SCD5: variants seen among roughly 807,000 people sequenced by gnomAD.
The protein encoded by SCD5 is acyl-CoA-desaturase 4.
Under a neutral mutation model 30.4 loss-of-function variants are expected in SCD5, and 20 were observed. The ratio of observed to expected loss-of-function variants is 0.66; its 90% CI spans 0.46 to 0.96. SCD5 has a LOEUF of 0.96. Ranked by LOEUF, SCD5 falls within the 40% of genes least tolerant of loss-of-function variation. The probability of loss-of-function intolerance (pLI) is 0.00; values close to 1 mark genes in which losing one functional copy is unlikely to be tolerated. For synonymous variants in SCD5, 173 were observed against 176.4 expected (o/e 0.98, Z 0.16); for missense variants, 381 against 443.3 (o/e 0.86, Z 1.26).
chr4:82,680,721 G>T lies in SCD5; in HGVS notation c.555C>A (p.Val185=), dbSNP rs762190230. The change falls in exon 3 of 5, where the codon GTC becomes GTA. Residue 185 remains valine (V), a synonymous_variant. Transcript: ENST00000319540. The part of the protein sequence containing the change: ...DVTDLLADPV[V]RIQRKYYKIS... ...CATTCACTTACTTTCTCTGGATCCG[G>T]ACCACAGGATCAGCAAGCAGGTCAG... 8 of 1,613,996 alleles carry T rather than the reference G, an allele frequency of 5.0e-6. No homozygotes were observed. In the South Asian group the frequency reaches 8.8e-5, roughly 18 times the overall value.
chr4:82,660,203 A>G (rs1220859447), intron 3 of SCD5: 3 of 152,930 alleles, frequency 2.0e-5, no homozygotes, highest in African/African-American at 7.2e-5. Context: ...GGAGACTTAG[A>G]CTCCCATATA....
intron 1 of SCD5, among the ~76,000 whole-genome samples, chr4:82,780,367 A>G (rs761154803): frequency 3.3e-5 from 5 of 152,090 alleles, no homozygotes; most frequent in Non-Finnish European, 7.3e-5. Context: ...GCCTAGGTCC[A>G]TCTCCCCTTC....
chr4:82,703,555 G>C (rs1719903996), intron 2 of SCD5, among the ~76,000 whole-genome samples: 1 of 152,096 alleles, frequency 6.6e-6, no homozygotes, highest in South Asian at 2.1e-4. Flanking sequence ...TCTAGGACCT[G>C]GGTACTTCCA....
chr4:82,653,129 C>T lies in SCD5; in HGVS notation c.570-16306G>A, dbSNP rs542527386. Among the ~76,000 whole-genome samples, 5 of 152,226 alleles carry T rather than the reference C, an allele frequency of 3.3e-5. No individual in the cohort carries two copies. In the East Asian group the frequency reaches 5.8e-4, roughly 18 times the overall value. ...TGCTCATGCCACTGCACTCCAGCCT[C>T]GGCAACAAAGTGAAACCCTGTTTCC... On this transcript the variant is annotated intron_variant, in intron 3 of 4. Coordinates refer to ENST00000319540, the MANE Select transcript of SCD5 (RefSeq NM_001037582.3).
chr4:82,685,511 G>A (rs574279935), intron 2 of SCD5, among the ~76,000 whole-genome samples: 215 of 152,072 alleles, frequency 1.4e-3, no homozygotes, highest in Non-Finnish European at 2.2e-3. Context: ...ACGGGAGTTC[G>A]AGACCAGCCT....
intron 2 of SCD5, among the ~76,000 whole-genome samples, chr4:82,688,208 A>C (rs78019826): frequency 0.052 from 7,971 of 152,306 alleles, 257 homozygotes; most frequent in South Asian, 0.15. Flanking sequence ...GTGAAAAAGA[A>C]ACCAGGACCA....
At position 82,631,629 on chromosome 4, in the gene SCD5, T is replaced by C. The variant is rs894587021; in HGVS notation, c.803-112A>G. Reference sequence around the variant, plus strand: ...ATGTGCAGGACATGGTGTCAGCCTCTGTGAGGAGCAAAAGACTTGGTTACT... The same window carrying C: ...ATGTGCAGGACATGGTGTCAGCCTCCGTGAGGAGCAAAAGACTTGGTTACT... On this transcript the variant is annotated intron_variant, in intron 4 of 4. Transcript: ENST00000319540. 3.5e-6 allele frequency: 4 copies of C among 1,127,054 alleles called. No individual in the cohort carries two copies. In the Admixed American group the frequency reaches 9.7e-5, roughly 27 times the overall value. The allele number at this position is 1,127,054 out of a possible 1,614,324, so 69.8% of individuals were successfully genotyped here. A position where few individuals can be genotyped will look rare whatever the true frequency, so the allele number is the denominator to read the frequency against.
chr4:82,763,312 G>T (rs905345535), intron 1 of SCD5, among the ~76,000 whole-genome samples: 1 of 152,148 alleles, frequency 6.6e-6, no homozygotes, highest in African/African-American at 2.4e-5. Context: ...AGGAGTTCGA[G>T]ACCAGCCTGG....
At chr4:82,736,221 G>A (rs1043179200) in intron 1 of SCD5, among the ~76,000 whole-genome samples, 1 of 152,086 alleles carries the variant, frequency 6.6e-6, no homozygotes, top group African/African-American at 2.4e-5. Flanking sequence ...CCAGGAGGCA[G>A]GAGTTGCAGT....
rs1471702163 is a variant in SCD5 at position 82,636,619 on chromosome 4, C to T, written c.774G>A (p.Gln258=). Residue 258 remains glutamine, a synonymous_variant, in exon 4 of 5, where the codon CAG becomes CAA. Transcript: ENST00000319540. ...RPYDKHISPR[Q]NPLVALGAIG... Reference sequence around the variant, plus strand: ...TGGCACCCAGAGCGACGAGTGGGTTCTGCCGAGGGCTGATGTGCTTGTCAT... The same window carrying T: ...TGGCACCCAGAGCGACGAGTGGGTTTTGCCGAGGGCTGATGTGCTTGTCAT... 21 of 1,614,154 alleles carry T rather than the reference C, an allele frequency of 1.3e-5. No individual in the cohort carries two copies. The highest frequency in any genetic ancestry group is 1.8e-5 in the Non-Finnish European group (21 of 1,180,000).
intron 1 of SCD5, among the ~76,000 whole-genome samples, chr4:82,762,782 GA>G (rs564293983): frequency 1.3e-3 from 197 of 152,072 alleles, no homozygotes; most frequent in African/African-American, 4.5e-3. Context: ...AATTCAAAAG[GA>G]AAAAAATATA....
At chr4:82,786,021 A>AT (rs963407217) in intron 1 of SCD5, among the ~76,000 whole-genome samples, 6 of 152,196 alleles carry the variant, frequency 3.9e-5, no homozygotes, top group African/African-American at 1.2e-4. Flanking sequence ...TTAGAAATTC[A>AT]TTTTTTTAAG....
chr4:82,666,197 C>T (rs1406048435), intron 3 of SCD5, among the ~76,000 whole-genome samples: 4 of 152,074 alleles, frequency 2.6e-5, no homozygotes, highest in Non-Finnish European at 5.9e-5. Flanking sequence ...ACTAAAAAGG[C>T]AAGAAGAGCT....
intron 1 of SCD5, among the ~76,000 whole-genome samples, chr4:82,782,044 G>A (rs568267882): frequency 7.9e-5 from 12 of 151,328 alleles, no homozygotes; most frequent in Non-Finnish European, 1.8e-4. Flanking sequence ...CTGTCTTTCC[G>A]CCCATTTGTC....
chr4:82,752,273 T>TTATATA (rs139910934), intron 1 of SCD5, among the ~76,000 whole-genome samples: 6,769 of 145,518 alleles, frequency 0.047, 182 homozygotes, highest in East Asian at 0.082. Flanking sequence ...TTTTAAAAAA[T>TTATATA]TATATATATA....
intron 1 of SCD5, among the ~76,000 whole-genome samples, chr4:82,769,828 A>G (rs1721579208): frequency 6.6e-6 from 1 of 152,144 alleles, no homozygotes; most frequent in Non-Finnish European, 1.5e-5. Context: ...CTGTAAATAG[A>G]TGGTTAATCT....
At chr4:82,751,297 G>T (rs1316713387) in intron 1 of SCD5, among the ~76,000 whole-genome samples, 1 of 152,072 alleles carries the variant, frequency 6.6e-6, no homozygotes, top group Non-Finnish European at 1.5e-5. Context: ...CTGGCCTCAA[G>T]CAATCCTCCC....
intron 1 of SCD5, among the ~76,000 whole-genome samples, chr4:82,773,539 G>A (rs557749680): frequency 6.6e-6 from 1 of 152,260 alleles, no homozygotes; most frequent in African/African-American, 2.4e-5. Flanking sequence ...CCCCCACCTC[G>A]TGTTCTTCCA....
At chr4:82,680,614 G>A in intron 3 of SCD5, 93 bp downstream of exon 3, 2 of 1,137,938 alleles carry the variant, frequency 1.8e-6, no homozygotes, top group South Asian at 2.6e-5. Flanking sequence ...AAATGCTTGA[G>A]AAGAACGCTA....
Sources: gnomAD v4.1 joint callset for allele counts (sites outside exome capture counted in the v4.1 genomes callset) on GRCh38, gnomAD v4.1.1 for gene constraint, MANE v1.5 for transcripts, NCBI Gene and HGNC (gene_info 2026-07-23, HGNC 2026-07-21) for gene names.